The following NTM variants were observed in gnomAD, a reference collection of about 807,000 sequenced individuals.
NTM encodes neurotrimin, also known as IgLON family member 2.
Under a neutral mutation model 42.1 loss-of-function variants are expected in NTM, and 13 were observed. The ratio of observed to expected loss-of-function variants is 0.31; its 90% CI spans 0.20 to 0.49. NTM has a LOEUF of 0.49. NTM is among the 20% of genes least tolerant of loss of function. The pLI is 0.99. For synonymous variants in NTM, 187 were observed against 179.2 expected (o/e 1.04, Z -0.35); for missense variants, 373 against 452.8 (o/e 0.82, Z 1.60).
intron 1 of NTM, among the ~76,000 whole-genome samples, chr11:131,385,830 C>G (rs1235561164): frequency 6.6e-6 from 1 of 152,194 alleles, no homozygotes; most frequent in East Asian, 1.9e-4. Flanking sequence ...CGCACTCCAG[C>G]CTGCACAGCA....
At chr11:131,991,873 A>C (rs2067086665) in intron 2 of NTM, among the ~76,000 whole-genome samples, 1 of 152,116 alleles carries the variant, frequency 6.6e-6, no homozygotes, top group Non-Finnish European at 1.5e-5. Flanking sequence ...GAAATTTGGG[A>C]GGAGGAGAAA....
rs1592050283 is a variant in NTM, at chr11:132,179,363, C to A, written c.401-32659C>A. On this transcript the variant is annotated intron_variant, in intron 3 of 8. Transcript: ENST00000683400. ...AGAGGGGCAGGACACAGATCTTAAT[C>A]TAGTTTACAGTGAATAATGGTTGAA... 2.0e-5 allele frequency among the ~76,000 whole-genome samples: 3 copies of A among 152,242 alleles called. No individual in the cohort carries two copies. The East Asian group carries it at 5.8e-4, about 29-fold the overall frequency.
At chr11:131,479,125 A>G (rs116519572) in intron 1 of NTM, among the ~76,000 whole-genome samples, 1,598 of 152,330 alleles carry the variant, frequency 0.01, 42 homozygotes, top group African/African-American at 0.035. Context: ...AATAACCACT[A>G]AACTTGTTTT....
intron 3 of NTM, among the ~76,000 whole-genome samples, chr11:132,160,919 G>A (rs1313318486): frequency 4.6e-5 from 7 of 152,208 alleles, no homozygotes; most frequent in Non-Finnish European, 8.8e-5. Context: ...GGGGAGCCAC[G>A]GCAGATGGCC....
At chr11:132,070,030 A>C (rs71485733) in intron 2 of NTM, among the ~76,000 whole-genome samples, 1 of 131,164 alleles carries the variant, frequency 7.6e-6, no homozygotes, top group African/African-American at 3.1e-5. Context: ...TAACACGTCA[A>C]ACTGACCGTC....
intron 2 of NTM, among the ~76,000 whole-genome samples, chr11:132,036,389 C>T (rs1040420738): frequency 6.6e-6 from 1 of 152,178 alleles, no homozygotes; most frequent in Non-Finnish European, 1.5e-5. Context: ...ACCCATTCCA[C>T]TCAGCGAGGA....
intron 1 of NTM, among the ~76,000 whole-genome samples, chr11:131,393,315 A>C (rs1315283552): frequency 2.8e-4 from 43 of 152,162 alleles, no homozygotes; most frequent in Admixed American, 2.8e-3. Context: ...GGGCTCCTTC[A>C]TGTCAAATTG....
chr11:131,823,038 G>A lies in NTM; in HGVS notation c.83-88526G>A, dbSNP rs142297018. On this transcript the variant is annotated intron_variant, in intron 1 of 8. Transcript: ENST00000683400. ...TTTATTTTGTTTTATCTTTAATGAT[G>A]ACAGGCAGGAGACAAATGCACTTGT... is the stretch of plus-strand genomic sequence containing the variant. 8.1e-4 allele frequency among the ~76,000 whole-genome samples: 123 copies of A among 151,966 alleles called. 1 individual carries two copies. Among genetic ancestry groups the A allele is most frequent in the African/African-American group, 2.8e-3 (114 of 41,430 alleles).
intron 1 of NTM, chr11:131,536,409 T>G (rs1254843662): frequency 6.6e-6 from 1 of 152,198 alleles, no homozygotes; most frequent in African/African-American, 2.4e-5. Context: ...GACATGCACA[T>G]AGAGTATGGA....
intron 1 of NTM, among the ~76,000 whole-genome samples, chr11:131,388,716 G>A (rs376414696): frequency 1.8e-4 from 27 of 152,108 alleles, no homozygotes; most frequent in African/African-American, 6.0e-4. Flanking sequence ...AATATAGGGA[G>A]AAAGATGGTG....
At chr11:131,919,377 G>T (rs2056895871) in intron 2 of NTM, among the ~76,000 whole-genome samples, 2 of 152,134 alleles carry the variant, frequency 1.3e-5, no homozygotes, top group Admixed American at 6.6e-5. Context: ...AATATTTTTA[G>T]GAAACCAAGG....
intron 1 of NTM, among the ~76,000 whole-genome samples, chr11:131,488,316 T>C (rs1954408687): frequency 6.6e-6 from 1 of 152,208 alleles, no homozygotes; most frequent in Non-Finnish European, 1.5e-5. Context: ...CAGCTGGGTC[T>C]GAAACATACA....
chr11:131,497,186 C>G (rs1164448145), intron 1 of NTM, among the ~76,000 whole-genome samples: 1 of 152,094 alleles, frequency 6.6e-6, no homozygotes, highest in Admixed American at 6.5e-5. Context: ...ATTACTATTT[C>G]TTTTATTTAT....
intron 2 of NTM, among the ~76,000 whole-genome samples, chr11:131,969,245 C>G (rs2063225746): frequency 6.6e-6 from 1 of 152,150 alleles, no homozygotes; most frequent in Non-Finnish European, 1.5e-5. Flanking sequence ...TGCAGTTCCT[C>G]TTGAGTGAGC....
At chr11:131,425,826 A>G (rs1948076744) in intron 1 of NTM, among the ~76,000 whole-genome samples, 1 of 151,712 alleles carries the variant, frequency 6.6e-6, no homozygotes, top group Non-Finnish European at 1.5e-5. Flanking sequence ...CTTTTTTGGT[A>G]GCTTAATGGG....
intron 1 of NTM, among the ~76,000 whole-genome samples, chr11:131,484,884 A>T (rs1953992020): frequency 6.6e-6 from 1 of 152,220 alleles, no homozygotes; most frequent in Non-Finnish European, 1.5e-5. Context: ...GTCAAACAGA[A>T]ATGGAACATA....
intron 1 of NTM, among the ~76,000 whole-genome samples, chr11:131,711,458 A>G (rs999935151): frequency 6.6e-6 from 1 of 152,198 alleles, no homozygotes; most frequent in Non-Finnish European, 1.5e-5. Flanking sequence ...TTAGAATGGC[A>G]ATCATTAAAA....
intron 3 of NTM, among the ~76,000 whole-genome samples, chr11:132,148,206 T>C (rs1338083643): frequency 1.3e-5 from 2 of 152,172 alleles, no homozygotes; most frequent in African/African-American, 4.8e-5. Flanking sequence ...TTAAAGAAAA[T>C]AGAATTGCAT....
intron 1 of NTM, chr11:131,582,125 A>C (rs371876257): frequency 6.1e-4 from 93 of 152,316 alleles, no homozygotes; most frequent in African/African-American, 2.2e-3. Context: ...CCTGGGAGCC[A>C]GCTTTACCCA....
Sources: allele counts gnomAD v4.1 joint callset (sites outside exome capture counted in the v4.1 genomes callset), GRCh38; gene constraint gnomAD v4.1.1; transcripts MANE v1.5; gene names NCBI Gene and HGNC (gene_info 2026-07-23, HGNC 2026-07-21).